The following TSPAN11 variants were observed in gnomAD, a reference collection of about 807,000 sequenced individuals.
The protein encoded by TSPAN11 is tetraspanin 11.
A neutral mutation model predicts 32.9 loss-of-function variants in TSPAN11; 29 were observed. That is an observed-to-expected ratio of 0.88 (90% CI 0.66 to 1.20). TSPAN11 has a LOEUF of 1.20. Ranked by LOEUF, TSPAN11 falls within the 50% of genes most tolerant of loss-of-function variation. The pLI, the probability that TSPAN11 is intolerant of heterozygous loss-of-function variation, is 0.00. For missense variants in TSPAN11, 283 were observed against 329.1 expected (o/e 0.86, Z 1.08); for synonymous variants, 140 against 141.3 (o/e 0.99, Z 0.07).
At chr12:31,010,049 G>A in the TSPAN11 span, among the ~76,000 whole-genome samples, 1 of 152,206 alleles carries the variant, frequency 6.6e-6, no homozygotes, top group African/African-American at 2.4e-5. Flanking sequence ...GCTGGAACCA[G>A]GCACTTCTGC....
At chr12:31,004,212 T>C in the TSPAN11 span, among the ~76,000 whole-genome samples, 1 of 152,312 alleles carries the variant, frequency 6.6e-6, no homozygotes, top group Admixed American at 6.5e-5. Context: ...AACATTACAC[T>C]AGACCAGCCT....
At chr12:30,932,758 G>A (rs575056923) in intron 1 of TSPAN11, among the ~76,000 whole-genome samples, 4 of 152,282 alleles carry the variant, frequency 2.6e-5, no homozygotes, top group African/African-American at 9.6e-5. Flanking sequence ...CTCCATGGAA[G>A]GAACTGTCTT....
chr12:30,974,395 T>C (rs1025528601), intron 3 of TSPAN11, among the ~76,000 whole-genome samples: 11 of 152,314 alleles, frequency 7.2e-5, no homozygotes, highest in South Asian at 6.2e-4. Flanking sequence ...CTCTAGATAC[T>C]CCTTTTGCCA....
At chr12:30,998,107 T>C, downstream of TSPAN11, among the ~76,000 whole-genome samples, 1 of 152,214 alleles carries the variant, frequency 6.6e-6, no homozygotes, top group Admixed American at 6.5e-5. Context: ...TGTGCGTGTG[T>C]GTGTGTGCAA....
At chr12:30,972,449 T>C (rs1024779692) in intron 3 of TSPAN11, among the ~76,000 whole-genome samples, 3 of 152,086 alleles carry the variant, frequency 2.0e-5, no homozygotes, top group African/African-American at 7.2e-5. Flanking sequence ...AGGCTGTGCC[T>C]GAGCTGAGAG....
intron 2 of TSPAN11, among the ~76,000 whole-genome samples, chr12:30,961,366 C>G (rs750029601): frequency 4.6e-5 from 7 of 151,894 alleles, no homozygotes; most frequent in Non-Finnish European, 1.0e-4. Flanking sequence ...CCAGTGCCCC[C>G]AGTTTACAGA....
intron 6 of TSPAN11, 55 bp from the exon 7 acceptor site, chr12:30,983,009 C>A: frequency 6.4e-7 from 1 of 1,564,280 alleles, no homozygotes; most frequent in Non-Finnish European, 8.7e-7. Flanking sequence ...CGCCCTCCGT[C>A]CCCACCCATG....
At chr12:30,998,979 T>C (rs1406299880), downstream of TSPAN11, 1 of 152,212 alleles carries the variant, frequency 6.6e-6, no homozygotes, top group Non-Finnish European at 1.5e-5. Context: ...CTCCTCAACA[T>C]ATGATGGGGC....
At chr12:30,986,010 C>G (rs1939194623) in intron 7 of TSPAN11, among the ~76,000 whole-genome samples, 1 of 152,250 alleles carries the variant, frequency 6.6e-6, no homozygotes, top group African/African-American at 2.4e-5. Flanking sequence ...TTAGGGCTCC[C>G]TCTGCCAGCT....
chr12:30,969,019 G>C (rs919478371), intron 3 of TSPAN11, among the ~76,000 whole-genome samples: 2 of 152,176 alleles, frequency 1.3e-5, no homozygotes, highest in South Asian at 4.1e-4. Flanking sequence ...TTCAGGTCCT[G>C]GGAAGCAAGT....
chr12:30,990,242 G>A (rs1939285326), intron 7 of TSPAN11, among the ~76,000 whole-genome samples: 1 of 152,168 alleles, frequency 6.6e-6, no homozygotes, highest in Non-Finnish European at 1.5e-5. Context: ...GAGGCTCGCT[G>A]GGAACACCCA....
At chr12:30,927,114 G>C in intron 1 of TSPAN11, 5 of 1,086,158 alleles carry the variant, frequency 4.6e-6, no homozygotes, top group Non-Finnish European at 6.1e-6. Flanking sequence ...TGAGGGCCTC[G>C]TGCCGTCCAG....
At chr12:30,926,864 C>T (rs369098633) in intron 1 of TSPAN11, 68 bp downstream of exon 1, 24 of 1,144,252 alleles carry the variant, frequency 2.1e-5, no homozygotes, top group Middle Eastern at 3.5e-4. Flanking sequence ...AGGAGAGGCG[C>T]CTCCACCTCC....
intron 1 of TSPAN11, among the ~76,000 whole-genome samples, chr12:30,938,462 G>A (rs1348749974): frequency 6.6e-6 from 1 of 152,208 alleles, no homozygotes; most frequent in Non-Finnish European, 1.5e-5. Flanking sequence ...AGGGAAGGAT[G>A]GGTAGTTAGA....
intron 3 of TSPAN11, among the ~76,000 whole-genome samples, chr12:30,967,674 G>GTGCACACACATGCATATGCA (rs58194254): frequency 4.0e-5 from 6 of 151,516 alleles, no homozygotes; most frequent in East Asian, 3.9e-4. Context: ...ACACACATTC[G>GTGCACACACATGCATATGCA]TGCACACACA....
At position 30,994,067 on chromosome 12, in the gene TSPAN11, C is replaced by G. The variant is rs1939369594; in HGVS notation, c.*2152C>G. The stretch of plus-strand genomic sequence containing the variant: ...AGCCAGACTGCCTCTTGAAAGATGG[C>G]TTGTCCAAGCGGCAGACAGTGGTAG... On this transcript the variant is annotated 3_prime_UTR_variant, in exon 8 of 8. Coordinates refer to ENST00000546076, the MANE Select transcript of TSPAN11 (RefSeq NM_001370302.1). The G allele has an allele frequency of 6.6e-6, 1 of 152,258 alleles. No individual in the cohort carries two copies. Among genetic ancestry groups the G allele is most frequent in the African/African-American group, 2.4e-5 (1 of 41,460 alleles). The allele number at this position is 152,258 out of a possible 1,614,324, so 9.4% of individuals were successfully genotyped here.
chr12:30,974,298 G>C (rs1041984717), intron 3 of TSPAN11, among the ~76,000 whole-genome samples: 2 of 152,218 alleles, frequency 1.3e-5, no homozygotes, highest in African/African-American at 2.4e-5. Flanking sequence ...TGCAACCTCG[G>C]CACTGCTGGC....
At chr12:31,010,632 G>GA in the TSPAN11 span, among the ~76,000 whole-genome samples, 9 of 151,964 alleles carry the variant, frequency 5.9e-5, no homozygotes, top group African/African-American at 1.9e-4. Context: ...TCTCTAAAAA[G>GA]AAAAAAATTT....
At position 30,953,920 on chromosome 12, in the gene TSPAN11, C is replaced by T. The variant is rs1317362196; in HGVS notation, c.-11-61C>T. 3 of 1,289,918 alleles carry T rather than the reference C, an allele frequency of 2.3e-6. No homozygotes were observed. The Admixed American group carries it at 5.7e-5, about 24-fold the overall frequency. The allele number at this position is 1,289,918 out of a possible 1,614,324, so 79.9% of individuals were successfully genotyped here. Reference sequence around the variant, plus strand: ...GGAGCCTTGCCAAGATGCTCTGGCTCTGGGAAGGACAAGGTGGTTCTCGGT... The same window carrying T: ...GGAGCCTTGCCAAGATGCTCTGGCTTTGGGAAGGACAAGGTGGTTCTCGGT... On this transcript the variant is annotated intron_variant, in intron 1 of 7. Transcript: ENST00000546076.
Sources: allele counts gnomAD v4.1 joint callset (sites outside exome capture counted in the v4.1 genomes callset), GRCh38; gene constraint gnomAD v4.1.1; transcripts MANE v1.5; gene names NCBI Gene and HGNC (gene_info 2026-07-23, HGNC 2026-07-21).